Variants in PHF24 observed in about 807,000 individuals in gnomAD.
PHF24 encodes the protein PHD finger protein 24, also known as Galpha inhibitory interacting protein.
A neutral mutation model predicts 42.6 loss-of-function variants in PHF24; 25 were observed. The observed-to-expected ratio is 0.59, with a 90% CI of 0.43 to 0.82. PHF24 has a LOEUF of 0.82. PHF24 is among the 40% of genes least tolerant of loss of function. The probability of loss-of-function intolerance (pLI) is 0.00; values close to 1 mark genes in which losing one functional copy is unlikely to be tolerated. For missense variants in PHF24, 470 were observed against 538.1 expected, an observed-to-expected ratio of 0.87 and a Z score of 1.25; for synonymous variants, 185 against 204.8, an observed-to-expected ratio of 0.90 and a Z score of 0.83.
the PHF24 span, among the ~76,000 whole-genome samples, chr9:34,827,409 T>G: frequency 6.6e-6 from 1 of 152,134 alleles, no homozygotes; most frequent in Non-Finnish European, 1.5e-5. Context: ...ATCCATGGGG[T>G]GGGCCCCCAA....
At chr9:34,891,437 G>A in the PHF24 span, among the ~76,000 whole-genome samples, 3 of 152,154 alleles carry the variant, frequency 2.0e-5, no homozygotes, top group Admixed American at 6.6e-5. Flanking sequence ...AAACAATTGC[G>A]GACTGGCCCT....
chr9:34,886,834 G>GTATCTATCTATCTATCTATCTATC, the PHF24 span, among the ~76,000 whole-genome samples: 833 of 148,804 alleles, frequency 5.6e-3, 4 homozygotes, highest in East Asian at 0.01. Flanking sequence ...ATGTATCTAT[G>GTATCTATCTATCTATCTATCTATC]TATCTATCTA....
the PHF24 span, among the ~76,000 whole-genome samples, chr9:34,731,673 T>A: frequency 3.9e-5 from 6 of 152,254 alleles, no homozygotes; most frequent in South Asian, 2.1e-4. Flanking sequence ...TGTGTATATG[T>A]ACCACATTTT....
intron 7 of PHF24, 51 bp downstream of exon 7, chr9:34,977,692 AAC>A: frequency 7.0e-7 from 1 of 1,432,562 alleles, no homozygotes; most frequent in Non-Finnish European, 9.6e-7. Context: ...ACCCCCACAA[AAC>A]ACACAAGTAA....
At chr9:34,960,288 A>G (rs1199157946) in intron 1 of PHF24, among the ~76,000 whole-genome samples, 1 of 152,206 alleles carries the variant, frequency 6.6e-6, no homozygotes, top group East Asian at 1.9e-4. Flanking sequence ...CTCCTTGAAC[A>G]GAAGTGGCTT....
At chr9:34,767,367 C>T in the PHF24 span, among the ~76,000 whole-genome samples, 21 of 152,258 alleles carry the variant, frequency 1.4e-4, no homozygotes, top group Non-Finnish European at 2.5e-4. Flanking sequence ...CCAGTTCGAG[C>T]TTCCAGGCTG....
chr9:34,939,778 T>C, the PHF24 span, among the ~76,000 whole-genome samples: 1 of 152,214 alleles, frequency 6.6e-6, no homozygotes, highest in African/African-American at 2.4e-5. Context: ...GCAGCTCCTC[T>C]ATGGTTCCCA....
At chr9:34,929,055 C>T in the PHF24 span, among the ~76,000 whole-genome samples, 1 of 152,322 alleles carries the variant, frequency 6.6e-6, no homozygotes, top group Admixed American at 6.5e-5. Flanking sequence ...TCTTCCCTCC[C>T]CCACCTCCAT....
the PHF24 span, among the ~76,000 whole-genome samples, chr9:34,926,404 G>T: frequency 1.3e-5 from 2 of 152,190 alleles, no homozygotes; most frequent in Non-Finnish European, 2.9e-5. The surrounding 1 kb of genome is among the most constrained non-coding windows in gnomAD (Gnocchi z 4.3). Context: ...CTTAGGCCTG[G>T]TATATGGGTG....
At chr9:34,952,561 T>C in the PHF24 span, among the ~76,000 whole-genome samples, 1 of 152,088 alleles carries the variant, frequency 6.6e-6, no homozygotes, top group South Asian at 2.1e-4. Flanking sequence ...TACCCAAAAT[T>C]ATTTCAAAAA....
the PHF24 span, among the ~76,000 whole-genome samples, chr9:34,780,909 G>C: frequency 6.6e-6 from 1 of 151,960 alleles, no homozygotes. Context: ...CCACAGTAAG[G>C]TACCCCTTTC....
the PHF24 span, among the ~76,000 whole-genome samples, chr9:34,840,680 G>T: frequency 6.6e-6 from 1 of 151,876 alleles, no homozygotes; most frequent in African/African-American, 2.4e-5. Flanking sequence ...CCCCCCAGAT[G>T]CTAGGATTAC....
chr9:34,718,388 T>C, the PHF24 span, among the ~76,000 whole-genome samples: 1 of 152,204 alleles, frequency 6.6e-6, no homozygotes, highest in East Asian at 1.9e-4. Context: ...GGCCTGAGAA[T>C]GCACAGACCT....
chr9:34,712,930 G>A, the PHF24 span, among the ~76,000 whole-genome samples: 10 of 152,130 alleles, frequency 6.6e-5, no homozygotes, highest in Admixed American at 5.9e-4. Flanking sequence ...CTTCCTCAGG[G>A]ATAGTCTCTG....
the PHF24 span, among the ~76,000 whole-genome samples, chr9:34,697,130 G>T: frequency 6.6e-6 from 1 of 152,172 alleles, no homozygotes; most frequent in South Asian, 2.1e-4. Flanking sequence ...ATTCTGTTGG[G>T]TTGATTCCTG....
upstream of PHF24, among the ~76,000 whole-genome samples, chr9:34,958,097 G>C (rs955761881): frequency 2.1e-4 from 31 of 149,274 alleles, no homozygotes; most frequent in Non-Finnish European, 3.9e-4. This position sits in a 1 kb window ranked among gnomAD's most constrained non-coding sequence, Gnocchi z 4.5. Context: ...CCGCGGAGCC[G>C]CGAGGGCGTC....
chr9:34,827,518 G>T, the PHF24 span, among the ~76,000 whole-genome samples: 2 of 144,740 alleles, frequency 1.4e-5, no homozygotes, highest in Admixed American at 7.0e-5. Flanking sequence ...TGTGCTAAAT[G>T]CTGGGGTCCC....
At chr9:34,956,659 A>G (rs547248318), upstream of PHF24, among the ~76,000 whole-genome samples, 54 of 152,364 alleles carry the variant, frequency 3.5e-4, no homozygotes, top group African/African-American at 1.1e-3. Context: ...CTAGAAATAA[A>G]ACACTTACTA....
chr9:34,773,911 T>C, the PHF24 span, among the ~76,000 whole-genome samples: 7 of 152,144 alleles, frequency 4.6e-5, no homozygotes, highest in South Asian at 4.1e-4. Context: ...GATCCAGGGA[T>C]GGAAAATAGC....
Sources: allele counts gnomAD v4.1 joint callset (sites outside exome capture counted in the v4.1 genomes callset), GRCh38; gene constraint gnomAD v4.1.1; non-coding constraint Gnocchi (gnomAD v3.1); transcripts MANE v1.5; gene names NCBI Gene and HGNC (gene_info 2026-07-23, HGNC 2026-07-21).